The following PAK5 variants were observed in gnomAD, a reference collection of about 807,000 sequenced individuals.
PAK5 encodes p21 (RAC1) activated kinase 5.
Under a neutral mutation model 65.9 loss-of-function variants are expected in PAK5, and 16 were observed. The ratio of observed to expected loss-of-function variants is 0.24; its 90% CI spans 0.16 to 0.37. PAK5 has a LOEUF of 0.37. Ranked by LOEUF, PAK5 falls within the 10% of genes least tolerant of loss-of-function variation. The pLI is 1.00. For synonymous variants in PAK5, 371 were observed against 354.9 expected (o/e 1.05, Z -0.51); for missense variants, 785 against 903.9 (o/e 0.87, Z 1.69).
intron 3 of PAK5, among the ~76,000 whole-genome samples, chr20:9,627,800 T>G (rs909683646): frequency 2.6e-5 from 4 of 151,966 alleles, no homozygotes; most frequent in Non-Finnish European, 5.9e-5. Flanking sequence ...CTAATTTTTG[T>G]AAATTTAGTA....
At chr20:9,766,403 AG>A (rs1160705382) in intron 1 of PAK5, among the ~76,000 whole-genome samples, 28 of 46,918 alleles carry the variant, frequency 6.0e-4, no homozygotes, top group East Asian at 9.6e-4. Context: ...TATATATTCA[AG>A]CAGAATATAT....
At chr20:9,551,585 T>TA (rs1395369713) in intron 7 of PAK5, among the ~76,000 whole-genome samples, 1 of 152,118 alleles carries the variant, frequency 6.6e-6, no homozygotes, top group African/African-American at 2.4e-5. Flanking sequence ...AGATAGAATG[T>TA]AAAAACCCTT....
intron 7 of PAK5, among the ~76,000 whole-genome samples, chr20:9,556,643 T>G (rs906503910): frequency 2.0e-5 from 3 of 152,224 alleles, no homozygotes; most frequent in Non-Finnish European, 2.9e-5. Context: ...CCTTGGAATG[T>G]CAACTGGTTA....
intron 1 of PAK5, among the ~76,000 whole-genome samples, chr20:9,725,837 T>C (rs1232892252): frequency 6.6e-6 from 1 of 151,956 alleles, no homozygotes; most frequent in African/African-American, 2.4e-5. Context: ...ATTCAAGAAA[T>C]GCAATAAAGA....
intron 3 of PAK5, among the ~76,000 whole-genome samples, chr20:9,615,785 G>T (rs1018829739): frequency 3.3e-5 from 5 of 152,204 alleles, no homozygotes; most frequent in African/African-American, 1.2e-4. Context: ...AGCCACCTGA[G>T]GGCACAAGGG....
intron 1 of PAK5, among the ~76,000 whole-genome samples, chr20:9,833,425 C>T (rs1197843977): frequency 2.6e-5 from 4 of 151,878 alleles, no homozygotes; most frequent in African/African-American, 9.7e-5. Flanking sequence ...TACCTACCTT[C>T]ACCCCCCAAC....
chr20:9,802,110 C>T (rs1293390592), intron 1 of PAK5, among the ~76,000 whole-genome samples: 2 of 152,066 alleles, frequency 1.3e-5, no homozygotes, highest in Non-Finnish European at 2.9e-5. Context: ...CTTTTGTTTC[C>T]CTTGGGTCAC....
intron 1 of PAK5, among the ~76,000 whole-genome samples, chr20:9,776,471 G>C (rs970807597): frequency 7.9e-5 from 12 of 152,148 alleles, no homozygotes; most frequent in Non-Finnish European, 1.5e-5. Flanking sequence ...TGATGCTCCT[G>C]TTTTCACTAA....
intron 2 of PAK5, among the ~76,000 whole-genome samples, chr20:9,710,671 A>G (rs2048067348): frequency 6.6e-6 from 1 of 151,812 alleles, no homozygotes; most frequent in Non-Finnish European, 1.5e-5. Context: ...GCTATAATAA[A>G]GAAGAATGGC....
rs77932826 is a variant in PAK5 at position 9,813,542 on chromosome 20, G to A, written c.-162+25220C>T. On this transcript the variant is annotated intron_variant, in intron 1 of 9. Coordinates refer to ENST00000353224, the MANE Select transcript of PAK5 (RefSeq NM_177990.4). ...CATGATGTTCACCAAAAAATGTTCA[G>A]TAACGTTCATAGCAGCAGTGTTTGT... Among the ~76,000 whole-genome samples the A allele has an allele frequency of 5.6e-3, 854 of 152,190 alleles. 7 individuals carry two copies. Among genetic ancestry groups the A allele is most frequent in the African/African-American group, 0.02 (815 of 41,530 alleles).
chr20:9,575,297 G>A (rs1319977183), intron 4 of PAK5, among the ~76,000 whole-genome samples: 2 of 152,068 alleles, frequency 1.3e-5, no homozygotes, highest in African/African-American at 4.8e-5. Context: ...TGGGCTCAAA[G>A]GATTGTCTTG....
chr20:9,676,712 TA>T (rs1253347100), intron 2 of PAK5, among the ~76,000 whole-genome samples: 1 of 152,224 alleles, frequency 6.6e-6, no homozygotes, highest in Non-Finnish European at 1.5e-5. Context: ...TACATATAAA[TA>T]TGTACATATA....
chr20:9,622,914 C>G (rs905327064), intron 3 of PAK5, among the ~76,000 whole-genome samples: 4 of 152,180 alleles, frequency 2.6e-5, no homozygotes, highest in African/African-American at 7.2e-5. Flanking sequence ...CTCTGTTTCT[C>G]TCTCTCTTTA....
chr20:9,692,565 T>A (rs1449136145), intron 2 of PAK5, among the ~76,000 whole-genome samples: 2 of 152,226 alleles, frequency 1.3e-5, no homozygotes, highest in African/African-American at 2.4e-5. Context: ...GTGATTTTTT[T>A]AAAACAGATG....
intron 1 of PAK5, among the ~76,000 whole-genome samples, chr20:9,802,696 AAAAC>A (rs1252309067): frequency 1.3e-5 from 2 of 151,644 alleles, no homozygotes; most frequent in Non-Finnish European, 2.9e-5. Flanking sequence ...GAAGTAGAGA[AAAAC>A]TGGGCATTGG....
At chr20:9,603,425 C>T (rs1231379319) in intron 3 of PAK5, among the ~76,000 whole-genome samples, 1 of 152,190 alleles carries the variant, frequency 6.6e-6, no homozygotes. Context: ...CCTGAAGACT[C>T]CAAGTTCTGC....
chr20:9,683,329 C>G (rs756135898), intron 2 of PAK5, among the ~76,000 whole-genome samples: 2 of 152,228 alleles, frequency 1.3e-5, no homozygotes, highest in Non-Finnish European at 2.9e-5. Flanking sequence ...TTTCTACACA[C>G]TAGCTCATTC....
At chr20:9,676,837 A>G (rs1292999926) in intron 2 of PAK5, among the ~76,000 whole-genome samples, 1 of 152,152 alleles carries the variant, frequency 6.6e-6, no homozygotes, top group African/African-American at 2.4e-5. Context: ...ACAGTTTTGT[A>G]TATTTGCTGA....
intron 1 of PAK5, among the ~76,000 whole-genome samples, chr20:9,738,203 C>T (rs1218241528): frequency 6.6e-6 from 1 of 152,008 alleles, no homozygotes; most frequent in African/African-American, 2.4e-5. Flanking sequence ...GGAACTCTTA[C>T]ACATTCTCGG....
Sources: allele counts gnomAD v4.1 joint callset (sites outside exome capture counted in the v4.1 genomes callset), GRCh38; gene constraint gnomAD v4.1.1; transcripts MANE v1.5; gene names NCBI Gene and HGNC (gene_info 2026-07-23, HGNC 2026-07-21).